The following KAZN variants were observed in gnomAD, a reference collection of about 807,000 sequenced individuals.
The protein encoded by KAZN is kazrin.
Under a neutral mutation model 87.4 loss-of-function variants are expected in KAZN, and 40 were observed. That is an observed-to-expected ratio of 0.46 (90% CI 0.36 to 0.60). The LOEUF (loss-of-function observed/expected upper bound fraction) is 0.60, where lower values mean the gene tolerates loss of function less well. KAZN is among the 20% of genes least tolerant of loss of function. KAZN has a pLI of 0.00. For synonymous variants in KAZN, 466 were observed against 458.3 expected (o/e 1.02, Z -0.22); for missense variants, 898 against 1,073.9 (o/e 0.84, Z 2.29).
At chr1:14,305,687 C>T (rs930672852) in intron 2 of KAZN, among the ~76,000 whole-genome samples, 3 of 147,284 alleles carry the variant, frequency 2.0e-5, no homozygotes, top group Non-Finnish European at 3.0e-5. Flanking sequence ...TTTTTTAATT[C>T]ATGACACTTT....
chr1:14,432,712 C>T (rs1018670397), intron 2 of KAZN, among the ~76,000 whole-genome samples: 4 of 152,050 alleles, frequency 2.6e-5, no homozygotes, highest in African/African-American at 9.7e-5. Context: ...CTAATGTTCT[C>T]TCTCCCCTTT....
chr1:14,338,504 A>AAG (rs70997135), intron 2 of KAZN, among the ~76,000 whole-genome samples: 67 of 142,228 alleles, frequency 4.7e-4, no homozygotes, highest in Middle Eastern at 3.5e-3. Context: ...AAAAAAAAAA[A>AAG]AGAGAGAGAG....
chr1:14,246,338 AT>A (rs61000345), intron 2 of KAZN, among the ~76,000 whole-genome samples: 43,376 of 151,944 alleles, frequency 0.29, 6,741 homozygotes, highest in Middle Eastern at 0.42. Context: ...TAATTAAAAA[AT>A]ATATAGTATT....
intron 1 of KAZN, among the ~76,000 whole-genome samples, chr1:14,799,585 G>A (rs146751047): frequency 1.2e-4 from 19 of 152,252 alleles, no homozygotes; most frequent in African/African-American, 4.1e-4. Context: ...GATCAGAAAC[G>A]GGCCTGGCCA....
intron 2 of KAZN, among the ~76,000 whole-genome samples, chr1:14,529,904 C>T (rs1330865558): frequency 6.6e-6 from 1 of 152,146 alleles, no homozygotes; most frequent in Non-Finnish European, 1.5e-5. Flanking sequence ...GAGCCACATG[C>T]TTTTATGACA....
intron 2 of KAZN, among the ~76,000 whole-genome samples, chr1:14,307,208 C>T (rs1557629772): frequency 6.6e-6 from 1 of 152,190 alleles, no homozygotes; most frequent in Non-Finnish European, 1.5e-5. Context: ...CCACACCTGA[C>T]ACCCTCTGCA....
At chr1:14,418,574 G>C (rs1221842582) in intron 2 of KAZN, among the ~76,000 whole-genome samples, 11 of 152,116 alleles carry the variant, frequency 7.2e-5, no homozygotes, top group Admixed American at 7.2e-4. Flanking sequence ...TCACCATCAG[G>C]CAAGGAAAAT....
chr1:14,291,804 T>C (rs1017995399), intron 2 of KAZN, among the ~76,000 whole-genome samples: 1 of 152,150 alleles, frequency 6.6e-6, no homozygotes, highest in African/African-American at 2.4e-5. Context: ...GCTGTTCCTA[T>C]TTGGCCATCT....
chr1:14,528,893 C>G (rs1351237558), intron 2 of KAZN, among the ~76,000 whole-genome samples: 2 of 152,128 alleles, frequency 1.3e-5, no homozygotes, highest in Non-Finnish European at 2.9e-5. Flanking sequence ...TCATGTCCCT[C>G]TCGCAGCCTC....
chr1:14,386,236 C>G (rs1661875407), intron 2 of KAZN, among the ~76,000 whole-genome samples: 1 of 146,786 alleles, frequency 6.8e-6, no homozygotes, highest in African/African-American at 2.5e-5. Context: ...TTCCTGAATA[C>G]AGCACACTGA....
chr1:14,054,243 G>A (rs1183720258), intron 1 of KAZN, among the ~76,000 whole-genome samples: 1 of 152,000 alleles, frequency 6.6e-6, no homozygotes, highest in Non-Finnish European at 1.5e-5. Context: ...ATCCAGGCTG[G>A]GCTCATTATT....
chr1:14,600,871 A>C (rs892443656), intron 1 of KAZN, among the ~76,000 whole-genome samples: 3 of 152,204 alleles, frequency 2.0e-5, no homozygotes, highest in African/African-American at 7.2e-5. Flanking sequence ...GTGGCTTTTT[A>C]TCTGAGTCCT....
chr1:14,810,270 A>T (rs1050642507), intron 1 of KAZN, among the ~76,000 whole-genome samples: 4 of 151,766 alleles, frequency 2.6e-5, no homozygotes, highest in African/African-American at 9.7e-5. Flanking sequence ...GGAGCACCGC[A>T]CCCCCATCAC....
chr1:14,405,728 G>T (rs1354530775), intron 2 of KAZN, among the ~76,000 whole-genome samples: 1 of 151,912 alleles, frequency 6.6e-6, no homozygotes, highest in Non-Finnish European at 1.5e-5. Flanking sequence ...GATCTTCAGG[G>T]TGAGTTGACA....
intron 2 of KAZN, among the ~76,000 whole-genome samples, chr1:14,326,262 C>T (rs1055171215): frequency 1.3e-5 from 2 of 152,188 alleles, no homozygotes; most frequent in African/African-American, 4.8e-5. Flanking sequence ...CTATGCTTCT[C>T]ATAACTCAGG....
chr1:14,311,916 C>A (rs1655333663), intron 2 of KAZN, among the ~76,000 whole-genome samples: 1 of 152,066 alleles, frequency 6.6e-6, no homozygotes, highest in Admixed American at 6.6e-5. Context: ...TAGGGAACTT[C>A]AGGAAAGTAA....
At chr1:15,073,151 G>A (rs932224430) in intron 8 of KAZN, among the ~76,000 whole-genome samples, 2 of 152,196 alleles carry the variant, frequency 1.3e-5, no homozygotes, top group African/African-American at 2.4e-5. Context: ...CCACGTGAAA[G>A]GTCCCATGGT....
intron 1 of KAZN, among the ~76,000 whole-genome samples, chr1:14,902,508 G>A (rs1486799922): frequency 3.3e-5 from 5 of 152,260 alleles, no homozygotes; most frequent in South Asian, 2.1e-4. Context: ...AATTACAGGC[G>A]TGAGCCACCG....
rs146405234 is a variant in KAZN, at chr1:14,950,222, C to G, written c.227-10462C>G. On this transcript the variant is annotated intron_variant, in intron 1 of 14. Transcript: ENST00000376030. ...ATTGCTGTACTGCTTCCCATCACCC[C>G]CTACCGAGTGTCAGGATCATATGAC... 3.4e-3 allele frequency among the ~76,000 whole-genome samples: 514 copies of G among 152,116 alleles called. 4 individuals carry two copies. Among genetic ancestry groups the G allele is most frequent in the Middle Eastern group, 0.017 (5 of 294 alleles).
Sources: allele counts gnomAD v4.1 joint callset (sites outside exome capture counted in the v4.1 genomes callset), GRCh38; gene constraint gnomAD v4.1.1; transcripts MANE v1.5; gene names NCBI Gene and HGNC (gene_info 2026-07-23, HGNC 2026-07-21).